The following OTOGL variants were observed in gnomAD, a reference collection of about 807,000 sequenced individuals.
The protein encoded by OTOGL is otogelin-like protein.
OTOGL carries 285 observed loss-of-function variants against 318.5 expected under a neutral mutation model. The observed-to-expected ratio is 0.89, with a 90% CI of 0.81 to 0.99. The LOEUF (loss-of-function observed/expected upper bound fraction) is 0.99. OTOGL is among the 50% of genes least tolerant of loss of function. OTOGL has a pLI of 0.00. For synonymous variants in OTOGL, 987 were observed against 936.5 expected, an observed-to-expected ratio of 1.05 and a Z score of -0.99; for missense variants, 2,899 against 2,845.6, an observed-to-expected ratio of 1.02 and a Z score of -0.43.
intron 26 of OTOGL, among the ~76,000 whole-genome samples, chr12:80,283,369 T>G (rs1409837810): frequency 1.3e-5 from 2 of 151,976 alleles, no homozygotes; most frequent in Non-Finnish European, 2.9e-5. Flanking sequence ...TCTATGTCTT[T>G]TCTCAGTGTA....
intron 1 of OTOGL, among the ~76,000 whole-genome samples, chr12:80,125,210 C>T (rs1166608963): frequency 6.6e-6 from 1 of 152,098 alleles, no homozygotes; most frequent in Non-Finnish European, 1.5e-5. Flanking sequence ...GAGATATGTC[C>T]CATCAATACC....
chr12:80,305,934 G>A (rs1886081922), intron 29 of OTOGL, among the ~76,000 whole-genome samples: 1 of 152,134 alleles, frequency 6.6e-6, no homozygotes, highest in East Asian at 1.9e-4. Context: ...TAAATGAGTT[G>A]TCTAATATTA....
chr12:80,325,938 G>T (rs1482243197), intron 35 of OTOGL, among the ~76,000 whole-genome samples: 1 of 152,142 alleles, frequency 6.6e-6, no homozygotes, highest in Non-Finnish European at 1.5e-5. Context: ...TGCTTCCAGT[G>T]TATTGGGCTG....
At chr12:80,228,284 A>G (rs144134524) in intron 7 of OTOGL, among the ~76,000 whole-genome samples, 2 of 152,094 alleles carry the variant, frequency 1.3e-5, no homozygotes, top group African/African-American at 4.8e-5. Flanking sequence ...CTACCAAAAA[A>G]ATAGAAAAAT....
chr12:80,218,344 G>A (rs1171154219), intron 5 of OTOGL, among the ~76,000 whole-genome samples: 1 of 152,210 alleles, frequency 6.6e-6, no homozygotes, highest in Non-Finnish European at 1.5e-5. Context: ...TATAGTTGGA[G>A]ATTTGTGCAT....
chr12:80,312,065 A>G (rs1441872155), intron 30 of OTOGL, among the ~76,000 whole-genome samples: 1 of 152,260 alleles, frequency 6.6e-6, no homozygotes, highest in Non-Finnish European at 1.5e-5. Flanking sequence ...CAAAATATAA[A>G]GTTAATTGAT....
rs1028782311 is a variant in OTOGL, at chr12:80,191,755, C to T, written c.-19-17658C>T. On this transcript the variant is annotated intron_variant, in intron 1 of 58. Transcript: ENST00000547103. ...AGAATGATGGCTGGGGATCAGCAAG[C>T]GTAAGGCAGTCCTGGGCTCAGCTTT... Among the ~76,000 whole-genome samples the T allele has an allele frequency of 9.2e-5, 14 of 152,160 alleles. No homozygotes were observed. The East Asian group carries it at 9.6e-4, about 10-fold the overall frequency.
chr12:80,298,167 G>A (rs1485019364), intron 27 of OTOGL, among the ~76,000 whole-genome samples: 2 of 152,170 alleles, frequency 1.3e-5, no homozygotes, highest in Non-Finnish European at 2.9e-5. Flanking sequence ...TTTCTGCTCA[G>A]GTGAGGGATA....
chr12:80,177,997 T>C (rs955865209), intron 1 of OTOGL, among the ~76,000 whole-genome samples: 2 of 151,902 alleles, frequency 1.3e-5, no homozygotes, highest in African/African-American at 2.4e-5. Flanking sequence ...TGGAGATTGT[T>C]CTCTCAATTC....
chr12:80,327,998 A>ACAGTACAAT (rs1887807701), intron 35 of OTOGL, among the ~76,000 whole-genome samples: 1 of 146,680 alleles, frequency 6.8e-6, no homozygotes, highest in South Asian at 2.2e-4. Flanking sequence ...GTGGAAAGCA[A>ACAGTACAAT]CAGTACAATC....
At chr12:80,330,745 G>A (rs1888016188) in intron 37 of OTOGL, among the ~76,000 whole-genome samples, 2 of 152,270 alleles carry the variant, frequency 1.3e-5, no homozygotes, top group Admixed American at 6.5e-5. Flanking sequence ...GGGATCTACT[G>A]AAACCTATTA....
intron 1 of OTOGL, among the ~76,000 whole-genome samples, chr12:80,192,754 C>CT (rs34259496): frequency 0.44 from 66,410 of 151,792 alleles, 16,850 homozygotes; most frequent in Admixed American, 0.58. Context: ...GGGGAAATAC[C>CT]GTCAAATTAA....
At chr12:80,208,531 A>G (rs1259595607) in intron 1 of OTOGL, among the ~76,000 whole-genome samples, 1 of 152,192 alleles carries the variant, frequency 6.6e-6, no homozygotes, top group African/African-American at 2.4e-5. Context: ...CTATATAAGC[A>G]TGGTTTTCAC....
chr12:80,172,854 A>G (rs980500527), intron 1 of OTOGL, among the ~76,000 whole-genome samples: 5 of 152,144 alleles, frequency 3.3e-5, no homozygotes, highest in Non-Finnish European at 7.4e-5. Flanking sequence ...CAAACACTGC[A>G]TGTTCTCACT....
At position 80,313,501 on chromosome 12, in the gene OTOGL, A is replaced by G; in HGVS notation, c.3476A>G (p.Asn1159Ser). Residue 1159 changes from asparagine to serine, a missense_variant, in exon 31 of 59, where the codon AAT (asparagine) becomes AGT (serine). Coordinates refer to ENST00000547103, the MANE Select transcript of OTOGL (RefSeq NM_001378609.3). ...ATTGACGTTACTTCTTTTGCCAAAA[A>G]TTGTCATGAAGATACATGTAACTGC... ...NVIDVTSFAK[N>S]CHEDTCNCNL... is the part of the protein sequence containing the mutation. 6.2e-7 allele frequency: 1 copy of G among 1,612,252 alleles called. No homozygotes were observed. The highest frequency in any genetic ancestry group is 8.5e-7 in the Non-Finnish European group (1 of 1,178,586).
At chr12:80,257,744 G>C in intron 17 of OTOGL, 81 bp from the exon 18 acceptor site, 1 of 1,222,880 alleles carries the variant, frequency 8.2e-7, no homozygotes, top group Non-Finnish European at 1.1e-6. Flanking sequence ...CTGGGGAAGA[G>C]AGTCCTGGTG....
In OTOGL at chr12:80,222,256, G is replaced by A; in HGVS notation, c.489+11G>A. 6.4e-7 allele frequency: 1 copy of A among 1,564,910 alleles called. No individual in the cohort carries two copies. The highest frequency in any genetic ancestry group is 8.6e-7 in the Non-Finnish European group (1 of 1,160,856). On this transcript the variant is annotated intron_variant, in intron 7 of 58. Transcript: ENST00000547103. ...CGGTACACTGTATGGGTAGGTGATT[G>A]TAGGACATGATTAACTTAAAAATAT...
rs773334100 is a variant in OTOGL, at chr12:80,329,032, C to T, written c.4280-19C>T. 4.4e-6 allele frequency: 7 copies of T among 1,577,596 alleles called. No individual in the cohort carries two copies. The highest frequency in any genetic ancestry group is 1.7e-4 in the Middle Eastern group (1 of 5,960). Reference sequence around the variant, plus strand: ...TATGCAAATACAGTTTTATAAAGAGCACCTTTGTTTCTTTGTAGGTATACC... The same window carrying T: ...TATGCAAATACAGTTTTATAAAGAGTACCTTTGTTTCTTTGTAGGTATACC... On this transcript the variant is annotated intron_variant, in intron 36 of 58. Coordinates refer to ENST00000547103, the MANE Select transcript of OTOGL (RefSeq NM_001378609.3).
chr12:80,263,236 A>T (rs1882690868), intron 19 of OTOGL, among the ~76,000 whole-genome samples: 1 of 152,100 alleles, frequency 6.6e-6, no homozygotes, highest in Non-Finnish European at 1.5e-5. Flanking sequence ...ACCTTCCTCC[A>T]TTCTGTCCCC....
Sources: allele counts gnomAD v4.1 joint callset (sites outside exome capture counted in the v4.1 genomes callset), GRCh38; gene constraint gnomAD v4.1.1; transcripts MANE v1.5; gene names NCBI Gene and HGNC (gene_info 2026-07-23, HGNC 2026-07-21).